SLC26A8: variants seen among roughly 807,000 people sequenced by gnomAD.
The protein encoded by SLC26A8 is testis anion transporter 1.
SLC26A8 carries 70 observed loss-of-function variants against 105.0 expected under a neutral mutation model. That is an observed-to-expected ratio of 0.67 (90% CI 0.55 to 0.81). SLC26A8 has a LOEUF of 0.81. Among genes scored for constraint, SLC26A8 ranks in the 40% least tolerant of loss-of-function variants. The pLI, the probability that SLC26A8 is intolerant of heterozygous loss-of-function variation, is 0.00. For missense variants in SLC26A8, 998 were observed against 1,181.8 expected (o/e 0.84, Z 2.28); for synonymous variants, 415 against 438.3 (o/e 0.95, Z 0.66).
chr6:35,958,607 G>A (rs1156960601), intron 16 of SLC26A8, among the ~76,000 whole-genome samples: 2 of 152,308 alleles, frequency 1.3e-5, no homozygotes, highest in Admixed American at 6.5e-5. Flanking sequence ...TGGCCAACAT[G>A]GTGAAACCCC....
At chr6:35,960,549 G>T in intron 14 of SLC26A8, 1 of 338,130 alleles carries the variant, frequency 3.0e-6, no homozygotes, top group South Asian at 5.7e-5. Context: ...CCAGCTACTG[G>T]GGAGGCTGAG....
Position 35,944,239 on chromosome 6 carries a change from C to G in SLC26A8, c.2574G>C (p.Ser858=). The part of the protein sequence containing the change: ...IKIQQPVEEE[S]ELDLELESEQ... ...CTGATTCCAGCTCCAAATCCAACTCCGACTCCTCTTCTACAGGCTGTTGGA... is the reference window on the plus strand; with the variant it reads ...CTGATTCCAGCTCCAAATCCAACTCGGACTCCTCTTCTACAGGCTGTTGGA... Residue 858 remains serine, a synonymous_variant, in exon 20 of 20, where the codon TCG becomes TCC. Coordinates refer to ENST00000490799, the MANE Select transcript of SLC26A8 (RefSeq NM_052961.4). The G allele has an allele frequency of 6.2e-7, 1 of 1,614,064 alleles. No individual in the cohort carries two copies. The highest frequency in any genetic ancestry group is 8.5e-7 in the Non-Finnish European group (1 of 1,180,012).
Position 35,951,350 on chromosome 6 carries a change from A to T in SLC26A8, c.2288-3T>A, listed in dbSNP as rs200830295. 38 of 1,614,006 alleles carry T rather than the reference A, an allele frequency of 2.4e-5. No individual in the cohort carries two copies. The highest frequency in any genetic ancestry group is 3.1e-5 in the Non-Finnish European group (37 of 1,180,018). On this transcript the variant is annotated splice_region_variant and splice_polypyrimidine_tract_variant and intron_variant, in intron 18 of 19. Coordinates refer to ENST00000490799, the MANE Select transcript of SLC26A8 (RefSeq NM_052961.4). ...CTCAAATGCCCTGACTATGGAAGCT[A>T]AAAACCAAACCCAGAACACACACAA...
intron 2 of SLC26A8, among the ~76,000 whole-genome samples, chr6:36,013,768 G>A (rs1011553098): frequency 6.6e-6 from 1 of 152,206 alleles, no homozygotes; most frequent in Non-Finnish European, 1.5e-5. Flanking sequence ...AGATAATTGG[G>A]ATTTGACTAC....
chr6:35,957,144 C>T (rs1772103914), intron 16 of SLC26A8, among the ~76,000 whole-genome samples: 1 of 152,188 alleles, frequency 6.6e-6, no homozygotes, highest in South Asian at 2.1e-4. Flanking sequence ...ATTGCTTGAA[C>T]CCAGGAAGCA....
rs1315865148 is a variant in SLC26A8 at position 35,990,701 on chromosome 6, G to A, written c.942+958C>T. Among the ~76,000 whole-genome samples, 14 of 152,200 alleles carry A rather than the reference G, an allele frequency of 9.2e-5. No homozygotes were observed. The East Asian group carries it at 2.7e-3, about 29-fold the overall frequency. Reference sequence around the variant, plus strand: ...ATAAAACATTTATGTAGAAAAAGACGGAAATTCACCAACATTGAGGCTAGG... The same window carrying A: ...ATAAAACATTTATGTAGAAAAAGACAGAAATTCACCAACATTGAGGCTAGG... On this transcript the variant is annotated intron_variant, in intron 7 of 19. Transcript: ENST00000490799.
intron 7 of SLC26A8, 56 bp from the exon 8 acceptor site, chr6:35,982,259 A>G (rs1280610492): frequency 4.5e-6 from 7 of 1,558,574 alleles, no homozygotes; most frequent in Non-Finnish European, 6.2e-6. Context: ...AATATAGTGC[A>G]TCGCTTCTAG....
At chr6:36,012,167 AC>A in intron 3 of SLC26A8, 65 bp downstream of exon 3, 1 of 1,564,004 alleles carries the variant, frequency 6.4e-7, no homozygotes, top group Non-Finnish European at 8.6e-7. Flanking sequence ...GTAATTGTTT[AC>A]CCTGGGCACG....
At chr6:35,979,484 T>A (rs1263481363) in intron 8 of SLC26A8, among the ~76,000 whole-genome samples, 1 of 151,834 alleles carries the variant, frequency 6.6e-6, no homozygotes, top group East Asian at 1.9e-4. Context: ...TCAAAAAAAA[T>A]AATAAAATAA....
intron 16 of SLC26A8, among the ~76,000 whole-genome samples, chr6:35,958,159 T>C (rs984098241): frequency 1.3e-5 from 2 of 152,240 alleles, no homozygotes; most frequent in Non-Finnish European, 1.5e-5. Context: ...AAAGTTTTTC[T>C]GACTTTTGAG....
chr6:35,967,003 A>G (rs1026093523), intron 11 of SLC26A8, among the ~76,000 whole-genome samples: 15 of 152,332 alleles, frequency 9.8e-5, no homozygotes, highest in Non-Finnish European at 2.1e-4. Context: ...TCCATGTCCA[A>G]AGTAAATCAG....
At chr6:35,945,613 A>C (rs1023593796) in intron 19 of SLC26A8, among the ~76,000 whole-genome samples, 9 of 152,128 alleles carry the variant, frequency 5.9e-5, no homozygotes, top group African/African-American at 2.2e-4. Context: ...CCACTTAGTC[A>C]TCACCCCAGA....
At chr6:35,986,195 C>T (rs1773518370) in intron 7 of SLC26A8, among the ~76,000 whole-genome samples, 1 of 151,906 alleles carries the variant, frequency 6.6e-6, no homozygotes, top group African/African-American at 2.4e-5. Flanking sequence ...CCATGATGCC[C>T]AGCTAATTTT....
At chr6:35,993,002 T>C (rs935982400) in intron 5 of SLC26A8, among the ~76,000 whole-genome samples, 1 of 152,044 alleles carries the variant, frequency 6.6e-6, no homozygotes. Context: ...AGCCTTTGCC[T>C]ATTTATTTAT....
chr6:36,022,298 C>A (rs879332288), intron 1 of SLC26A8, among the ~76,000 whole-genome samples: 1 of 152,182 alleles, frequency 6.6e-6, no homozygotes, highest in African/African-American at 2.4e-5. Flanking sequence ...AGTAGTAATA[C>A]GCACAGAGAT....
chr6:35,955,110 G>A (rs1402119954), intron 17 of SLC26A8, 42 bp downstream of exon 17: 1 of 1,612,720 alleles, frequency 6.2e-7, no homozygotes, highest in Non-Finnish European at 8.5e-7. Flanking sequence ...GGGATGGTAG[G>A]AGGGGGATCA....
intron 10 of SLC26A8, 98 bp downstream of exon 10, chr6:35,975,277 C>T: frequency 1.8e-6 from 1 of 558,182 alleles, no homozygotes; most frequent in Non-Finnish European, 3.0e-6. Context: ...ATTAAAACAG[C>T]AAGAAGATTA....
chr6:35,998,751 A>G (rs1761435019), intron 4 of SLC26A8, among the ~76,000 whole-genome samples: 1 of 152,070 alleles, frequency 6.6e-6, no homozygotes, highest in Non-Finnish European at 1.5e-5. Context: ...ATCTCTAACA[A>G]CCCTTATTAT....
At position 36,019,515 on chromosome 6, in the gene SLC26A8, C is replaced by G. The variant is rs781552262; in HGVS notation, c.188+5G>C. The G allele has an allele frequency of 6.2e-7, 1 of 1,610,036 alleles. No homozygotes were observed. The highest frequency in any genetic ancestry group is 8.5e-7 in the Non-Finnish European group (1 of 1,178,226). On this transcript the variant is annotated splice_donor_5th_base_variant and intron_variant, in intron 2 of 19. Transcript: ENST00000490799. ...GGCAGCAGGTGAAAGATTGGACACA[C>G]GCACCGGCACTGGACGTGGTGTCTG...
Sources: allele counts gnomAD v4.1 joint callset (sites outside exome capture counted in the v4.1 genomes callset), GRCh38; gene constraint gnomAD v4.1.1; transcripts MANE v1.5; gene names NCBI Gene and HGNC (gene_info 2026-07-23, HGNC 2026-07-21).